The following ATRNL1 variants were observed in gnomAD, a reference collection of about 807,000 sequenced individuals.
ATRNL1 encodes attractin-like protein 1.
A neutral mutation model predicts 182.7 loss-of-function variants in ATRNL1; 95 were observed. The observed-to-expected ratio is 0.52, with a 90% CI of 0.44 to 0.62. The LOEUF (loss-of-function observed/expected upper bound fraction) is 0.62. Ranked by LOEUF, ATRNL1 falls within the 20% of genes least tolerant of loss-of-function variation. The probability of loss-of-function intolerance (pLI) is 0.00; values close to 1 mark genes in which losing one functional copy is unlikely to be tolerated. For missense variants in ATRNL1, 1,471 were observed against 1,679.5 expected, an observed-to-expected ratio of 0.88 and a Z score of 2.17; for synonymous variants, 576 against 568.3, an observed-to-expected ratio of 1.01 and a Z score of -0.19.
chr10:115,702,765 A>C (rs1946778329), intron 26 of ATRNL1, among the ~76,000 whole-genome samples: 1 of 152,054 alleles, frequency 6.6e-6, no homozygotes, highest in Non-Finnish European at 1.5e-5. Flanking sequence ...GGAGAACTAC[A>C]AAACACTGCT....
At chr10:115,667,747 C>G (rs534965078) in intron 26 of ATRNL1, among the ~76,000 whole-genome samples, 1 of 151,870 alleles carries the variant, frequency 6.6e-6, no homozygotes, top group East Asian at 1.9e-4. Flanking sequence ...CTGAAACTCC[C>G]GGGGGCTCAA....
rs150118680 is a variant in ATRNL1 at position 115,931,130 on chromosome 10, C to A, written c.4019-13528C>A. Among the ~76,000 whole-genome samples, 470 of 152,136 alleles carry A rather than the reference C, an allele frequency of 3.1e-3. 2 individuals are homozygous for A. Among genetic ancestry groups the A allele is most frequent in the African/African-American group, 0.011 (438 of 41,510 alleles). On this transcript the variant is annotated intron_variant, in intron 28 of 28. Transcript: ENST00000355044. ...GGTTGATTATAAGCCATATATTTGT[C>A]TTTTCAAGATTTGCTTTTACATTGC...
At chr10:115,300,274 CT>C in intron 16 of ATRNL1, 27 bp downstream of exon 16, 1 of 1,572,524 alleles carries the variant, frequency 6.4e-7, no homozygotes, top group Non-Finnish European at 8.7e-7. Flanking sequence ...ATTAGCATTC[CT>C]TTAAAAGTAT....
intron 5 of ATRNL1, among the ~76,000 whole-genome samples, chr10:115,159,555 T>C (rs1485380060): frequency 6.6e-6 from 1 of 151,706 alleles, no homozygotes; most frequent in African/African-American, 2.4e-5. Flanking sequence ...GTTTGTTTAA[T>C]AGTTAATAAT....
At chr10:115,732,896 G>C (rs7072969) in intron 27 of ATRNL1, among the ~76,000 whole-genome samples, 3,148 of 152,192 alleles carry the variant, frequency 0.021, 123 homozygotes, top group African/African-American at 0.072. Flanking sequence ...TGGATCTTAA[G>C]GAAGAACTTT....
chr10:115,430,539 T>G (rs1846108769), intron 21 of ATRNL1, among the ~76,000 whole-genome samples: 1 of 152,190 alleles, frequency 6.6e-6, no homozygotes, highest in Non-Finnish European at 1.5e-5. Flanking sequence ...GGGCTGCATG[T>G]GCTGCCTGTT....
chr10:115,847,976 C>G lies in ATRNL1; in HGVS notation c.4003C>G (p.Pro1335Ala), dbSNP rs782287060. 1 of 1,601,044 alleles carries G rather than the reference C, an allele frequency of 6.2e-7. No individual in the cohort carries two copies. Among genetic ancestry groups the G allele is most frequent in the Non-Finnish European group, 8.6e-7 (1 of 1,168,620 alleles). The change falls in exon 28 of 29, where the codon CCC becomes GCC. Residue 1335 changes from proline to alanine, a missense_variant. Coordinates refer to ENST00000355044, the MANE Select transcript of ATRNL1 (RefSeq NM_207303.4). ...ACCACGAGGATCATCAGGTGCCCCT[C>G]CCCCTGGGCAGTCAGGTATGATAAA... ...CLPRGSSGAP[P>A]PGQSGLAIAS...
intron 27 of ATRNL1, among the ~76,000 whole-genome samples, chr10:115,743,784 ATT>A (rs1555068425): frequency 0.054 from 27 of 504 alleles, no homozygotes; most frequent in East Asian, 0.48. Context: ...TGTGTATTTT[ATT>A]AAAATTGTAT....
At chr10:115,594,044 T>G (rs1555013148) in intron 26 of ATRNL1, among the ~76,000 whole-genome samples, 2 of 152,210 alleles carry the variant, frequency 1.3e-5, no homozygotes, top group African/African-American at 4.8e-5. Flanking sequence ...ATATTTGATC[T>G]ATTTATATCA....
intron 19 of ATRNL1, among the ~76,000 whole-genome samples, chr10:115,355,404 G>A (rs1201396151): frequency 6.6e-6 from 1 of 152,050 alleles, no homozygotes; most frequent in Non-Finnish European, 1.5e-5. Flanking sequence ...GCAGACTCTA[G>A]GTACATAGCC....
At chr10:115,322,925 C>A (rs1428463106) in intron 18 of ATRNL1, among the ~76,000 whole-genome samples, 4 of 151,824 alleles carry the variant, frequency 2.6e-5, no homozygotes, top group African/African-American at 9.7e-5. Flanking sequence ...GTCCTTGTTG[C>A]TTTCATCATT....
Position 115,577,652 on chromosome 10 carries a change from G to A in ATRNL1, c.3795+28116G>A, listed in dbSNP as rs1476328920. 3.1e-5 allele frequency among the ~76,000 whole-genome samples: 4 copies of A among 127,154 alleles called. No individual in the cohort carries two copies. The Admixed American group carries it at 3.6e-4, about 11-fold the overall frequency. The allele number at this position is 127,154 out of a possible 152,430, so 83.4% of individuals were successfully genotyped here. A position where few individuals can be genotyped will look rare whatever the true frequency, so the allele number is the denominator to read the frequency against. On this transcript the variant is annotated intron_variant, in intron 26 of 28. Transcript: ENST00000355044. ...TGTGTGTGTGTGTGTGTGTGTGTGT[G>A]TAGCCTTATAGGGTATTTTACATGT...
At chr10:115,874,320 G>A (rs1458010524) in intron 28 of ATRNL1, among the ~76,000 whole-genome samples, 2 of 152,128 alleles carry the variant, frequency 1.3e-5, no homozygotes, top group African/African-American at 2.4e-5. Flanking sequence ...TGCAGTTTCC[G>A]TTCTCACACT....
chr10:115,196,776 C>A (rs571967867), intron 8 of ATRNL1, among the ~76,000 whole-genome samples: 1 of 152,150 alleles, frequency 6.6e-6, no homozygotes, highest in Non-Finnish European at 1.5e-5. Flanking sequence ...CGTTGCTAAA[C>A]ACACTTATTA....
chr10:115,306,981 T>A (rs528104698), intron 17 of ATRNL1, among the ~76,000 whole-genome samples: 1 of 152,296 alleles, frequency 6.6e-6, no homozygotes, highest in South Asian at 2.1e-4. Context: ...CTGGTGGGAT[T>A]GTCAGCTAGG....
At chr10:115,290,412 T>C (rs1414608264) in intron 15 of ATRNL1, among the ~76,000 whole-genome samples, 2 of 152,014 alleles carry the variant, frequency 1.3e-5, no homozygotes, top group Non-Finnish European at 2.9e-5. Context: ...TCCAGCACTT[T>C]GGGAGGCTGA....
intron 26 of ATRNL1, among the ~76,000 whole-genome samples, chr10:115,701,331 C>A (rs2133995427): frequency 6.6e-6 from 1 of 152,088 alleles, no homozygotes; most frequent in South Asian, 2.1e-4. Flanking sequence ...GCTTATAGTG[C>A]TAAACACCTA....
chr10:115,102,644 A>G (rs1242537358), intron 1 of ATRNL1, among the ~76,000 whole-genome samples: 3 of 151,872 alleles, frequency 2.0e-5, no homozygotes, highest in African/African-American at 4.9e-5. Context: ...AGGTTTTGCC[A>G]TGTTGGCCAG....
At chr10:115,648,529 G>A (rs1344767741) in intron 26 of ATRNL1, among the ~76,000 whole-genome samples, 4 of 152,136 alleles carry the variant, frequency 2.6e-5, no homozygotes, top group Non-Finnish European at 4.4e-5. Flanking sequence ...AAAGCTGGAG[G>A]CATCATGCCA....
Sources: allele counts gnomAD v4.1 joint callset (sites outside exome capture counted in the v4.1 genomes callset), GRCh38; gene constraint gnomAD v4.1.1; transcripts MANE v1.5; gene names NCBI Gene and HGNC (gene_info 2026-07-23, HGNC 2026-07-21).